The following PLSCR1 variants were observed in gnomAD, a reference collection of about 807,000 sequenced individuals.
The protein encoded by PLSCR1 is PL scramblase 1.
PLSCR1 carries 17 observed loss-of-function variants against 37.8 expected under a neutral mutation model. The observed-to-expected ratio is 0.45, with a 90% CI of 0.31 to 0.68. The LOEUF (loss-of-function observed/expected upper bound fraction) is 0.68, where lower values mean the gene tolerates loss of function less well. Among genes scored for constraint, PLSCR1 ranks in the 30% least tolerant of loss-of-function variants. PLSCR1 has a pLI of 0.06. For missense variants in PLSCR1, 347 were observed against 380.9 expected (o/e 0.91, Z 0.74); for synonymous variants, 116 against 125.9 (o/e 0.92, Z 0.53).
chr3:146,535,126 T>A (rs761725519), intron 2 of PLSCR1, among the ~76,000 whole-genome samples: 1 of 152,090 alleles, frequency 6.6e-6, no homozygotes, highest in Non-Finnish European at 1.5e-5. Flanking sequence ...AAACACAGCA[T>A]CAGACTCAGA....
At chr3:146,516,179 G>A (rs2043943560) in intron 8 of PLSCR1, 78 bp from the exon 9 acceptor site, 11 of 814,748 alleles carry the variant, frequency 1.4e-5, no homozygotes, top group South Asian at 4.8e-5. Flanking sequence ...AAATACTAAG[G>A]GATCTAGTGA....
intron 5 of PLSCR1, among the ~76,000 whole-genome samples, chr3:146,525,048 C>T (rs2044088094): frequency 6.6e-6 from 1 of 152,182 alleles, no homozygotes; most frequent in Admixed American, 6.5e-5. Context: ...AAGGAAATGT[C>T]AGGCCATTCA....
chr3:146,527,813 A>C (rs1270268918), intron 4 of PLSCR1: 1 of 152,216 alleles, frequency 6.6e-6, no homozygotes, highest in African/African-American at 2.4e-5. Context: ...TATCACAAGA[A>C]TATTTGTATG....
At chr3:146,533,225 C>T (rs1283539031) in intron 3 of PLSCR1, among the ~76,000 whole-genome samples, 1 of 152,120 alleles carries the variant, frequency 6.6e-6, no homozygotes, top group Non-Finnish European at 1.5e-5. Context: ...TTTTTACTAG[C>T]TTTCTTTATA....
chr3:146,533,874 T>G (rs1393835914), intron 2 of PLSCR1, among the ~76,000 whole-genome samples: 1 of 152,178 alleles, frequency 6.6e-6, no homozygotes, highest in Non-Finnish European at 1.5e-5. Flanking sequence ...TAAAATTACA[T>G]ACAGACTACG....
At chr3:146,522,264 C>T (rs1390342365) in intron 5 of PLSCR1, among the ~76,000 whole-genome samples, 2 of 151,772 alleles carry the variant, frequency 1.3e-5, no homozygotes, top group Non-Finnish European at 2.9e-5. Context: ...GTCCTTATGC[C>T]GTGGGGAAAA....
chr3:146,520,013 A>G (rs528303607), intron 7 of PLSCR1, among the ~76,000 whole-genome samples: 58 of 152,094 alleles, frequency 3.8e-4, no homozygotes, highest in African/African-American at 1.3e-3. Flanking sequence ...TTATTACTTC[A>G]AGTTTCCATG....
At chr3:146,520,811 G>A (rs2044008452) in intron 7 of PLSCR1, among the ~76,000 whole-genome samples, 1 of 152,002 alleles carries the variant, frequency 6.6e-6, no homozygotes, top group Non-Finnish European at 1.5e-5. Flanking sequence ...TTGGAAAGGT[G>A]GGCCCAGTTA....
chr3:146,541,994 A>G (rs1196110875), intron 1 of PLSCR1, among the ~76,000 whole-genome samples: 1 of 152,184 alleles, frequency 6.6e-6, no homozygotes, highest in African/African-American at 2.4e-5. Flanking sequence ...GTCATGCACC[A>G]CAACAACAGA....
Position 146,515,752 on chromosome 3 carries a change from G to T in PLSCR1, c.*293C>A. 1 of 231,278 alleles carries T rather than the reference G, an allele frequency of 4.3e-6. No individual in the cohort carries two copies. Among genetic ancestry groups the T allele is most frequent in the Non-Finnish European group, 8.2e-6 (1 of 121,392 alleles). 14.3% of individuals were successfully genotyped at this position (231,278 alleles called of 1,614,324 possible). On this transcript the variant is annotated 3_prime_UTR_variant, in exon 9 of 9. Coordinates refer to ENST00000342435, the MANE Select transcript of PLSCR1 (RefSeq NM_021105.3). ...ATTAATAAGGCCTTAGTTAATATTT[G>T]GTAGTAAAATGGACAATGAATCAGA...
At chr3:146,527,284 A>G (rs1283858733) in intron 4 of PLSCR1, among the ~76,000 whole-genome samples, 1 of 152,240 alleles carries the variant, frequency 6.6e-6, no homozygotes, top group Non-Finnish European at 1.5e-5. Flanking sequence ...TAGGCTGACT[A>G]TAATTAACAA....
chr3:146,524,081 A>C (rs750782731), intron 5 of PLSCR1, among the ~76,000 whole-genome samples: 2 of 152,198 alleles, frequency 1.3e-5, no homozygotes, highest in Non-Finnish European at 2.9e-5. Context: ...ATTTATAGGA[A>C]CAACGTCTGA....
At chr3:146,530,028 G>T (rs2044174763) in intron 3 of PLSCR1, among the ~76,000 whole-genome samples, 1 of 152,184 alleles carries the variant, frequency 6.6e-6, no homozygotes, top group African/African-American at 2.4e-5. Flanking sequence ...GCAAAAAATT[G>T]TAAGAGGCAG....
intron 5 of PLSCR1, among the ~76,000 whole-genome samples, chr3:146,523,190 C>T (rs982294045): frequency 5.3e-5 from 8 of 152,208 alleles, no homozygotes; most frequent in African/African-American, 2.4e-5. Flanking sequence ...TTCCGCCTAA[C>T]AAGAAACACC....
intron 5 of PLSCR1, among the ~76,000 whole-genome samples, chr3:146,523,380 G>T (rs574779176): frequency 1.3e-5 from 2 of 152,202 alleles, no homozygotes; most frequent in Non-Finnish European, 2.9e-5. Flanking sequence ...ATGCAGGATA[G>T]TTTATGTGTA....
intron 4 of PLSCR1, among the ~76,000 whole-genome samples, chr3:146,527,399 T>C (rs1325154150): frequency 6.6e-6 from 1 of 152,204 alleles, no homozygotes; most frequent in Non-Finnish European, 1.5e-5. Flanking sequence ...ATTATCCTTA[T>C]TTTTCATTAC....
intron 8 of PLSCR1, 88 bp downstream of exon 8, chr3:146,516,918 G>A (rs2043954745): frequency 1.1e-6 from 1 of 872,124 alleles, no homozygotes; most frequent in Non-Finnish European, 1.8e-6. Context: ...ATTTTAAAAT[G>A]TCATTTTGAA....
chr3:146,517,982 G>A (rs1198579414), intron 7 of PLSCR1, among the ~76,000 whole-genome samples: 2 of 152,186 alleles, frequency 1.3e-5, no homozygotes, highest in East Asian at 1.9e-4. Flanking sequence ...CTAAATAAAT[G>A]TGGGGAATCT....
At chr3:146,542,117 T>A (rs2044345183) in intron 1 of PLSCR1, among the ~76,000 whole-genome samples, 1 of 152,210 alleles carries the variant, frequency 6.6e-6, no homozygotes, top group South Asian at 2.1e-4. Flanking sequence ...ATTACAGTAG[T>A]ACATGCTATA....
Sources: allele counts gnomAD v4.1 joint callset (sites outside exome capture counted in the v4.1 genomes callset), GRCh38; gene constraint gnomAD v4.1.1; transcripts MANE v1.5; gene names NCBI Gene and HGNC (gene_info 2026-07-23, HGNC 2026-07-21).